Variants in GDF6 observed in about 807,000 individuals in gnomAD.
GDF6 encodes the protein growth differentiation factor 6, also known as growth/differentiation factor 6.
A neutral mutation model predicts 32.4 loss-of-function variants in GDF6; 3 were observed. That is an observed-to-expected ratio of 0.09 (90% CI 0.04 to 0.24). The LOEUF is 0.24. GDF6 is among the 10% of genes least tolerant of loss of function. The pLI, the probability that GDF6 is intolerant of heterozygous loss-of-function variation, is 1.00. For synonymous variants in GDF6, 296 were observed against 295.3 expected, an observed-to-expected ratio of 1.00 and a Z score of -0.03; for missense variants, 589 against 637.9, an observed-to-expected ratio of 0.92 and a Z score of 0.83.
Position 96,143,608 on chromosome 8 carries a change from GAAATC to G in GDF6, c.*950_*954del, listed in dbSNP as rs1260894432. On this transcript the variant is annotated 3_prime_UTR_variant, in exon 2 of 2. Transcript: ENST00000287020. Reference sequence around the variant, plus strand: ...TGAATTTTGGCAAATTCTGTTGAAAGAAATCAATTAGAATCAGAAAGGGCATTTGG... The same window carrying G: ...TGAATTTTGGCAAATTCTGTTGAAAGAATTAGAATCAGAAAGGGCATTTGG... The G allele has an allele frequency of 6.6e-6, 1 of 152,670 alleles. No homozygotes were observed. The highest frequency in any genetic ancestry group is 1.5e-5 in the Non-Finnish European group (1 of 68,052). The allele number at this position is 152,670 out of a possible 1,614,324, so 9.5% of individuals were successfully genotyped here.
Position 96,145,630 on chromosome 8 carries a change from G to A in GDF6, c.407-106C>T. 1 of 1,397,426 alleles carries A rather than the reference G, an allele frequency of 7.2e-7. No individual in the cohort carries two copies. The highest frequency in any genetic ancestry group is 1.8e-5 in the Admixed American group (1 of 55,026). 86.6% of individuals were successfully genotyped at this position (1,397,426 alleles called of 1,614,324 possible). On this transcript the variant is annotated intron_variant, in intron 1 of 1. Coordinates refer to ENST00000287020, the MANE Select transcript of GDF6 (RefSeq NM_001001557.4). The surrounding 1 kb of genome is among the most constrained non-coding windows in gnomAD (Gnocchi z 5.6). ...AAGGGCGGGGAGTGGGGGCAGGTCG[G>A]CCGGGCAGTCCAGCTTGCCCGGCCC...
At chr8:96,148,475 C>G (rs1812518388) in intron 1 of GDF6, among the ~76,000 whole-genome samples, 2 of 152,336 alleles carry the variant, frequency 1.3e-5, no homozygotes, top group African/African-American at 4.8e-5. Context: ...TTTAAATCTG[C>G]ATCATCAGCA....
At chr8:96,159,741 C>A (rs1167993518) in intron 1 of GDF6, among the ~76,000 whole-genome samples, 1 of 152,262 alleles carries the variant, frequency 6.6e-6, no homozygotes, top group African/African-American at 2.4e-5. Context: ...GCGCAGGGAC[C>A]AACGGAAAAC....
intron 1 of GDF6, among the ~76,000 whole-genome samples, chr8:96,159,761 G>T (rs942004403): frequency 6.6e-6 from 1 of 152,364 alleles, no homozygotes; most frequent in African/African-American, 2.4e-5. Context: ...CCCGCGCGGC[G>T]CCAGGACCAG....
chr8:96,154,806 T>C (rs768706460), intron 1 of GDF6, among the ~76,000 whole-genome samples: 6 of 152,112 alleles, frequency 3.9e-5, no homozygotes, highest in Non-Finnish European at 8.8e-5. Flanking sequence ...CTCCCCACAG[T>C]CTCCACCTCA....
rs1047374265 is a variant in GDF6, at chr8:96,145,671, C to T, written c.407-147G>A. 11 of 914,824 alleles carry T rather than the reference C, an allele frequency of 1.2e-5. No homozygotes were observed. Among genetic ancestry groups the T allele is most frequent in the East Asian group, 7.9e-5 (3 of 38,006 alleles). 56.7% of individuals were successfully genotyped at this position (914,824 alleles called of 1,614,324 possible). A position where few individuals can be genotyped will look rare whatever the true frequency, so the allele number is the denominator to read the frequency against. On this transcript the variant is annotated intron_variant, in intron 1 of 1. Transcript: ENST00000287020. The surrounding 1 kb of genome is among the most constrained non-coding windows in gnomAD (Gnocchi z 5.6). Reference sequence around the variant, plus strand: ...TGCCCGGCCCAGGGCCTGACCACCCCGGCTCCCCATCTGGCTGGTGCATGG... The same window carrying T: ...TGCCCGGCCCAGGGCCTGACCACCCTGGCTCCCCATCTGGCTGGTGCATGG...
intron 1 of GDF6, among the ~76,000 whole-genome samples, chr8:96,154,293 A>G (rs1193844341): frequency 6.6e-6 from 1 of 151,902 alleles, no homozygotes; most frequent in Non-Finnish European, 1.5e-5. Flanking sequence ...TTCCCTAGGA[A>G]CGTTGTCCAG....
chr8:96,148,353 G>A (rs1277674313), intron 1 of GDF6, among the ~76,000 whole-genome samples: 4 of 152,242 alleles, frequency 2.6e-5, no homozygotes, highest in Admixed American at 6.5e-5. Context: ...TGAAGAGGCT[G>A]TCCAGACCCT....
At position 96,143,642 on chromosome 8, in the gene GDF6, G is replaced by A. The variant is rs1272971463; in HGVS notation, c.*921C>T. 2 of 152,636 alleles carry A rather than the reference G, an allele frequency of 1.3e-5. No homozygotes were observed. The highest frequency in any genetic ancestry group is 2.9e-5 in the Non-Finnish European group (2 of 68,064). The allele number at this position is 152,636 out of a possible 1,614,324, so 9.5% of individuals were successfully genotyped here. Reference sequence around the variant, plus strand: ...TAGAATCAGAAAGGGCATTTGGGTGGGCTACCTCCAGCCTGGGCTAATGCA... The same window carrying A: ...TAGAATCAGAAAGGGCATTTGGGTGAGCTACCTCCAGCCTGGGCTAATGCA... On this transcript the variant is annotated 3_prime_UTR_variant, in exon 2 of 2. Coordinates refer to ENST00000287020, the MANE Select transcript of GDF6 (RefSeq NM_001001557.4).
chr8:96,145,579 G>C lies in GDF6; in HGVS notation c.407-55C>G, dbSNP rs1473024407. 5.6e-6 allele frequency: 9 copies of C among 1,594,710 alleles called. No homozygotes were observed. The highest frequency in any genetic ancestry group is 8.5e-7 in the Non-Finnish European group (1 of 1,178,306). The stretch of plus-strand genomic sequence containing the variant: ...TTCACTTAAGGGGGAGATCAGCCCG[G>C]TGCTCTTCGGCCGCCCCGGGAGGAA... On this transcript the variant is annotated intron_variant, in intron 1 of 1. Coordinates refer to ENST00000287020, the MANE Select transcript of GDF6 (RefSeq NM_001001557.4). This position sits in a 1 kb window ranked among gnomAD's most constrained non-coding sequence, Gnocchi z 5.6.
intron 1 of GDF6, among the ~76,000 whole-genome samples, chr8:96,157,281 T>A (rs1222675983): frequency 6.6e-6 from 1 of 151,756 alleles, no homozygotes; most frequent in East Asian, 1.9e-4. Context: ...TGGGATGGAG[T>A]ACAGAACTTG....
Position 96,157,095 on chromosome 8 carries a change from T to A in GDF6, c.406+3192A>T, listed in dbSNP as rs186306203. Among the ~76,000 whole-genome samples, 409 of 152,354 alleles carry A rather than the reference T, an allele frequency of 2.7e-3. 4 individuals carry two copies. The highest frequency in any genetic ancestry group is 9.3e-3 in the African/African-American group (385 of 41,582). On this transcript the variant is annotated intron_variant, in intron 1 of 1. Coordinates refer to ENST00000287020, the MANE Select transcript of GDF6 (RefSeq NM_001001557.4). Reference sequence around the variant, plus strand: ...TGATAACTAAGCGAGATAATTCATGTAACCAATTTTAGTGCAATGCTTGGT... The same window carrying A: ...TGATAACTAAGCGAGATAATTCATGAAACCAATTTTAGTGCAATGCTTGGT...
chr8:96,154,854 G>C (rs1353155014), intron 1 of GDF6, among the ~76,000 whole-genome samples: 1 of 152,144 alleles, frequency 6.6e-6, no homozygotes, highest in Non-Finnish European at 1.5e-5. Flanking sequence ...CCAGAAAGAC[G>C]TCACCACTTT....
Position 96,160,788 on chromosome 8 carries a change from T to G in GDF6, c.-96A>C. 1 of 1,222,278 alleles carries G rather than the reference T, an allele frequency of 8.2e-7. No individual in the cohort carries two copies. The highest frequency in any genetic ancestry group is 1.4e-5 in the South Asian group (1 of 71,768). 75.7% of individuals were successfully genotyped at this position (1,222,278 alleles called of 1,614,324 possible). On this transcript the variant is annotated 5_prime_UTR_variant, in exon 1 of 2. Coordinates refer to ENST00000287020, the MANE Select transcript of GDF6 (RefSeq NM_001001557.4). ...TGGACAGCGGCCGGGGCCCGGCTCC[T>G]CGGGCGGACTCGGAGTGCGAGGAGC...
At chr8:96,149,095 G>A (rs189183542) in intron 1 of GDF6, among the ~76,000 whole-genome samples, 9 of 152,212 alleles carry the variant, frequency 5.9e-5, no homozygotes, top group Admixed American at 2.0e-4. Context: ...TTCATACTCC[G>A]TTCCAAAAGC....
rs2130208271 is a variant in GDF6 at position 96,145,449 on chromosome 8, A to G, written c.482T>C (p.Leu161Pro). 2.5e-6 allele frequency: 4 copies of G among 1,597,286 alleles called. No individual in the cohort carries two copies. The East Asian group carries it at 8.9e-5, about 36-fold the overall frequency. The change falls in exon 2 of 2, where the codon CTG (leucine) becomes CCG (proline). Residue 161 changes from leucine to proline, a missense_variant. Physicochemically the swap from Leu to Pro is moderately conservative, Grantham distance 98. Coordinates refer to ENST00000287020, the MANE Select transcript of GDF6 (RefSeq NM_001001557.4). This position sits in a 1 kb window ranked among gnomAD's most constrained non-coding sequence, Gnocchi z 5.6. Reference protein sequence around the residue: ...DVSMLSDKEELVGAELRLFRQ... With the variant: ...DVSMLSDKEEPVGAELRLFRQ... ...AAAGAGCCGCAGCTCCGCGCCCACC[A>G]GCTCTTCTTTGTCTGAGAGCATGGA...
Position 96,145,083 on chromosome 8 carries a change from C to A in GDF6, c.848G>T (p.Arg283Ile). ...TGCGAACAGGTTCTTGCGCTGGGAT[C>A]TGGTGAATACCACCAGCAGGGCCCG... Reference protein sequence around the residue: ...QERALLVVFTRSQRKNLFAEM... With the variant: ...QERALLVVFTISQRKNLFAEM... The change falls in exon 2 of 2, where the codon AGA becomes ATA. Residue 283 changes from arginine (R) to isoleucine (I), a missense_variant. By Grantham distance (97) the Arg-to-Ile change is moderately conservative. This residue lies in a region of GDF6 where 436 missense variants were observed against 411.2 expected (regional missense o/e 1.06). Transcript: ENST00000287020. The surrounding 1 kb of genome is among the most constrained non-coding windows in gnomAD (Gnocchi z 5.6). 6.6e-7 allele frequency: 1 copy of A among 1,514,674 alleles called. No homozygotes were observed. The highest frequency in any genetic ancestry group is 8.8e-7 in the Non-Finnish European group (1 of 1,140,492). 93.8% of individuals were successfully genotyped at this position (1,514,674 alleles called of 1,614,324 possible).
rs1370445465 is a variant in GDF6 at position 96,144,289 on chromosome 8, A to AGAGAGAGAGAGAGC, written c.*273_*274insGCTCTCTCTCTCTC. On this transcript the variant is annotated 3_prime_UTR_variant, in exon 2 of 2. Transcript: ENST00000287020. The surrounding 1 kb of genome is among the most constrained non-coding windows in gnomAD (Gnocchi z 5.1). ...GAGAGAGAGAGAGAGAGAGAGAGAG[A>AGAGAGAGAGAGAGC]GAAAACAGAACAAAAGAAATCCTCC... is the stretch of plus-strand genomic sequence containing the variant. 1 of 495,602 alleles carries AGAGAGAGAGAGAGC rather than the reference A, an allele frequency of 2.0e-6. No homozygotes were observed. The highest frequency in any genetic ancestry group is 2.4e-5 in the African/African-American group (1 of 41,986). The allele number at this position is 495,602 out of a possible 1,614,324, so 30.7% of individuals were successfully genotyped here. A position where few individuals can be genotyped will look rare whatever the true frequency, so the allele number is the denominator to read the frequency against.
At chr8:96,147,810 T>C (rs1812509060) in intron 1 of GDF6, among the ~76,000 whole-genome samples, 1 of 152,004 alleles carries the variant, frequency 6.6e-6, no homozygotes, top group African/African-American at 2.4e-5. Flanking sequence ...GGGAAAAGAG[T>C]CCAAATTATT....
Sources: allele counts gnomAD v4.1 joint callset (sites outside exome capture counted in the v4.1 genomes callset), GRCh38; gene constraint gnomAD v4.1.1; regional missense constraint gnomAD v4.1.1; non-coding constraint Gnocchi (gnomAD v3.1); transcripts MANE v1.5; gene names NCBI Gene and HGNC (gene_info 2026-07-23, HGNC 2026-07-21).